The following CTBP2 variants were observed in gnomAD, a reference collection of about 807,000 sequenced individuals.
The protein encoded by CTBP2 is C-terminal-binding protein 2.
A neutral mutation model predicts 80.3 loss-of-function variants in CTBP2; 30 were observed. The observed-to-expected ratio is 0.37, with a 90% CI of 0.28 to 0.51. The LOEUF (loss-of-function observed/expected upper bound fraction) is 0.51. Among genes scored for constraint, CTBP2 ranks in the 20% least tolerant of loss-of-function variants. The probability of loss-of-function intolerance (pLI) is 0.93; values close to 1 mark genes in which losing one functional copy is unlikely to be tolerated. For synonymous variants in CTBP2, 594 were observed against 587.4 expected (o/e 1.01, Z -0.16); for missense variants, 1,212 against 1,375.3 (o/e 0.88, Z 1.88).
At chr10:125,158,749 C>T (rs1214407677) in intron 1 of CTBP2, 2 of 151,932 alleles carry the variant, frequency 1.3e-5, no homozygotes, top group African/African-American at 4.8e-5. Context: ...CCTATAAAAT[C>T]CTAAACGTGG....
At chr10:125,072,638 A>G (rs1590545898) in intron 2 of CTBP2, among the ~76,000 whole-genome samples, 10 of 70,664 alleles carry the variant, frequency 1.4e-4, no homozygotes, top group East Asian at 1.2e-3. Context: ...AGAAAAGAAA[A>G]AAAAAAAAAA....
chr10:125,118,472 A>G (rs1347492606), intron 1 of CTBP2, among the ~76,000 whole-genome samples: 1 of 152,152 alleles, frequency 6.6e-6, no homozygotes. Context: ...GGGGGAAGAA[A>G]AGTGGATCCA....
At chr10:125,148,367 A>C (rs886909358) in intron 1 of CTBP2, among the ~76,000 whole-genome samples, 5 of 152,230 alleles carry the variant, frequency 3.3e-5, no homozygotes, top group Non-Finnish European at 7.3e-5. Context: ...GTGACCAAAA[A>C]GGTGGTCCAT....
chr10:125,133,058 C>A (rs904747661), intron 1 of CTBP2, among the ~76,000 whole-genome samples: 1 of 152,186 alleles, frequency 6.6e-6, no homozygotes, highest in African/African-American at 2.4e-5. Flanking sequence ...GAACTTGGCC[C>A]TGCACCTGCT....
intron 2 of CTBP2, among the ~76,000 whole-genome samples, chr10:125,080,615 C>T (rs2135553113): frequency 1.3e-5 from 2 of 152,282 alleles, no homozygotes; most frequent in Middle Eastern, 6.8e-3. Context: ...TCCAGACGCA[C>T]ATAAGAAATT....
chr10:125,149,919 G>C (rs940734463), intron 1 of CTBP2, among the ~76,000 whole-genome samples: 1 of 152,238 alleles, frequency 6.6e-6, no homozygotes, highest in Non-Finnish European at 1.5e-5. Flanking sequence ...CCTTTGTTCA[G>C]GAGTATTAAT....
At chr10:125,037,008 T>C (rs1958973737) in intron 3 of CTBP2, among the ~76,000 whole-genome samples, 1 of 152,184 alleles carries the variant, frequency 6.6e-6, no homozygotes, top group Admixed American at 6.5e-5. Flanking sequence ...ATATAGATGG[T>C]GACCCACACT....
At chr10:125,130,598 A>C (rs1434197748) in intron 1 of CTBP2, among the ~76,000 whole-genome samples, 1 of 152,210 alleles carries the variant, frequency 6.6e-6, no homozygotes, top group East Asian at 1.9e-4. Context: ...GAGGCCCAAG[A>C]AGCTTTTAAA....
At chr10:125,015,298 T>C (rs1432163036) in intron 1 of CTBP2, among the ~76,000 whole-genome samples, 2 of 152,206 alleles carry the variant, frequency 1.3e-5, no homozygotes, top group Non-Finnish European at 2.9e-5. Flanking sequence ...AGCAAGGCCA[T>C]TAGCTTCTCT....
intron 2 of CTBP2, among the ~76,000 whole-genome samples, chr10:125,101,559 T>C (rs918313187): frequency 6.6e-6 from 1 of 152,122 alleles, no homozygotes; most frequent in African/African-American, 2.4e-5. Context: ...CACTGCTTGA[T>C]AGGAAAACAT....
chr10:125,021,435 C>T (rs1331585972), intron 1 of CTBP2, among the ~76,000 whole-genome samples: 5 of 152,164 alleles, frequency 3.3e-5, no homozygotes, highest in East Asian at 1.9e-4. Context: ...CTGGGGTCTA[C>T]GGCACGTCCA....
chr10:125,073,898 C>G (rs1845895857), intron 2 of CTBP2, among the ~76,000 whole-genome samples: 1 of 152,172 alleles, frequency 6.6e-6, no homozygotes, highest in African/African-American at 2.4e-5. Context: ...GTCATCTTTC[C>G]CAGGACGGTC....
intron 2 of CTBP2, among the ~76,000 whole-genome samples, chr10:125,106,495 C>T (rs1287003861): frequency 2.0e-5 from 3 of 152,100 alleles, no homozygotes; most frequent in South Asian, 2.1e-4. Flanking sequence ...TGGATCTGGG[C>T]GTCAAGTTCT....
At chr10:125,090,456 TAAA>T (rs113744620) in intron 2 of CTBP2, among the ~76,000 whole-genome samples, 1 of 134,564 alleles carries the variant, frequency 7.4e-6, no homozygotes, top group African/African-American at 2.7e-5. Flanking sequence ...AATGGTTATT[TAAA>T]AAAAAAAAAA....
At chr10:125,107,797 CATA>C (rs1304225287) in intron 2 of CTBP2, among the ~76,000 whole-genome samples, 1 of 152,316 alleles carries the variant, frequency 6.6e-6, no homozygotes, top group East Asian at 1.9e-4. Flanking sequence ...TGTCAAAATA[CATA>C]ATACAGCATG....
At chr10:125,029,225 T>G (rs1013066731), upstream of CTBP2, among the ~76,000 whole-genome samples, 5 of 142,812 alleles carry the variant, frequency 3.5e-5, no homozygotes, top group Admixed American at 1.4e-4. Context: ...AGTCTTTAAA[T>G]TTTTTTTTTT....
chr10:125,022,481 T>G (rs3781419), intron 1 of CTBP2, among the ~76,000 whole-genome samples: 127,203 of 148,498 alleles, frequency 0.86, 53,996 homozygotes, highest in East Asian at 0.98. Flanking sequence ...ACAGCAGGGG[T>G]ACAGGTCAAT....
chr10:125,061,026 G>A (rs1490513285), intron 2 of CTBP2, among the ~76,000 whole-genome samples: 2 of 152,260 alleles, frequency 1.3e-5, no homozygotes, highest in East Asian at 3.9e-4. Flanking sequence ...CCCGGCTCCC[G>A]GCAACCCTCA....
At chr10:125,071,284 G>A (rs985952103) in intron 2 of CTBP2, among the ~76,000 whole-genome samples, 2 of 152,242 alleles carry the variant, frequency 1.3e-5, no homozygotes, top group Non-Finnish European at 2.9e-5. Context: ...GAAGGCCACT[G>A]GACGGCCCTT....
Sources: gnomAD v4.1 joint callset for allele counts (sites outside exome capture counted in the v4.1 genomes callset) on GRCh38, gnomAD v4.1.1 for gene constraint, MANE v1.5 for transcripts, NCBI Gene and HGNC (gene_info 2026-07-23, HGNC 2026-07-21) for gene names.